Variants in LINGO2 observed in about 807,000 individuals in gnomAD.
The protein encoded by LINGO2 is leucine rich repeat and Ig domain containing 2.
In LINGO2, 14 loss-of-function variants were observed where a neutral mutation model predicts 30.6. That is an observed-to-expected ratio of 0.46 (90% CI 0.30 to 0.72). The LOEUF is 0.72. LINGO2 is among the 30% of genes least tolerant of loss of function. LINGO2 has a pLI of 0.07. For missense variants in LINGO2, 729 were observed against 751.7 expected, an observed-to-expected ratio of 0.97 and a Z score of 0.35; for synonymous variants, 317 against 288.5, an observed-to-expected ratio of 1.10 and a Z score of -1.00.
At chr9:28,817,762 G>A in the LINGO2 span, among the ~76,000 whole-genome samples, 4 of 152,144 alleles carry the variant, frequency 2.6e-5, no homozygotes, top group Non-Finnish European at 5.9e-5. Context: ...CAAGAGGAGG[G>A]CAATGTATTT....
intron 1 of LINGO2, among the ~76,000 whole-genome samples, chr9:28,583,337 T>G (rs541813794): frequency 5.9e-5 from 9 of 152,106 alleles, no homozygotes; most frequent in Non-Finnish European, 1.3e-4. Context: ...TGAAATTGAT[T>G]GCAAAAATTT....
the LINGO2 span, among the ~76,000 whole-genome samples, chr9:29,202,670 T>C: frequency 6.6e-6 from 1 of 152,104 alleles, no homozygotes; most frequent in Admixed American, 6.6e-5. Context: ...TGAAACCATT[T>C]ATTTCTATTG....
chr9:27,957,177 G>A (rs12057050), intron 5 of LINGO2, among the ~76,000 whole-genome samples: 20,524 of 152,092 alleles, frequency 0.13, 3,921 homozygotes, highest in African/African-American at 0.42. Flanking sequence ...TCAAAAATCA[G>A]TTGACCGTAT....
At chr9:28,995,010 T>C in the LINGO2 span, among the ~76,000 whole-genome samples, 2 of 151,960 alleles carry the variant, frequency 1.3e-5, no homozygotes, top group East Asian at 1.9e-4. Flanking sequence ...AAAGCCAAAA[T>C]TGACAAATGG....
intron 4 of LINGO2, among the ~76,000 whole-genome samples, chr9:28,086,196 T>C (rs1825908989): frequency 6.6e-6 from 1 of 151,984 alleles, no homozygotes; most frequent in Non-Finnish European, 1.5e-5. Flanking sequence ...AAAATCAACA[T>C]TTTTAACTAT....
the LINGO2 span, among the ~76,000 whole-genome samples, chr9:28,712,603 A>G: frequency 6.6e-6 from 1 of 151,726 alleles, no homozygotes; most frequent in Admixed American, 6.6e-5. Flanking sequence ...CCTACTTTGT[A>G]TGACTACAAT....
intron 4 of LINGO2, among the ~76,000 whole-genome samples, chr9:28,021,957 C>T (rs901642915): frequency 1.2e-4 from 18 of 151,792 alleles, no homozygotes; most frequent in African/African-American, 4.4e-4. Context: ...TGCATTTAAC[C>T]ATAAATATTT....
At position 27,995,766 on chromosome 9, in the gene LINGO2, G is replaced by T. The variant is rs532668056; in HGVS notation, c.-36+16589C>A. ...ACAAACACACAGCTAACATCATACT[G>T]AATGGGGCAAAATTGAAAGCCTTTA... On this transcript the variant is annotated intron_variant, in intron 5 of 5. Coordinates refer to ENST00000379992, the Ensembl canonical transcript of LINGO2. 3.3e-5 allele frequency among the ~76,000 whole-genome samples: 5 copies of T among 152,226 alleles called. No individual in the cohort carries two copies. In the South Asian group the frequency reaches 1.0e-3, roughly 32 times the overall value.
intron 3 of LINGO2, among the ~76,000 whole-genome samples, chr9:28,295,698 A>G (rs2134186449): frequency 6.6e-6 from 1 of 152,276 alleles, no homozygotes; most frequent in East Asian, 1.9e-4. Flanking sequence ...TGGGGTACTC[A>G]GAGTATTCTT....
chr9:28,172,119 C>T (rs1319865586), intron 4 of LINGO2, among the ~76,000 whole-genome samples: 1 of 148,136 alleles, frequency 6.8e-6, no homozygotes, highest in Admixed American at 6.8e-5. Flanking sequence ...CGGCCCGGCG[C>T]GGTGGCTCAC....
intron 4 of LINGO2, among the ~76,000 whole-genome samples, chr9:28,188,321 T>C (rs1300814250): frequency 6.6e-6 from 1 of 152,064 alleles, no homozygotes; most frequent in Non-Finnish European, 1.5e-5. Flanking sequence ...GCATTTTTTC[T>C]TTAAAAAATA....
intron 3 of LINGO2, among the ~76,000 whole-genome samples, chr9:28,301,746 C>G (rs949765719): frequency 4.6e-5 from 7 of 152,104 alleles, no homozygotes; most frequent in Non-Finnish European, 1.0e-4. Flanking sequence ...CAATTCTACA[C>G]AAGAAGATCA....
At chr9:28,559,279 T>C (rs549088641) in intron 1 of LINGO2, among the ~76,000 whole-genome samples, 8 of 152,254 alleles carry the variant, frequency 5.3e-5, no homozygotes, top group African/African-American at 1.9e-4. Context: ...CAACACCTTT[T>C]GTGTCTTCAT....
rs1286121994 is a variant in LINGO2 at position 28,245,472 on chromosome 9, T to TA, written c.-87+49735dup. On this transcript the variant is annotated intron_variant, in intron 4 of 5. Coordinates refer to ENST00000379992, the Ensembl canonical transcript of LINGO2. Reference sequence around the variant, plus strand: ...AGCCAGGGCAATCAGGCAAGAGAAATAAAAAAAGGTTTTCAATTAGGAAGA... The same window carrying TA: ...AGCCAGGGCAATCAGGCAAGAGAAATAAAAAAAAGGTTTTCAATTAGGAAGA... Among the ~76,000 whole-genome samples, 5 of 151,996 alleles carry TA rather than the reference T, an allele frequency of 3.3e-5. No homozygotes were observed. The East Asian group carries it at 5.8e-4, about 18-fold the overall frequency.
intron 1 of LINGO2, among the ~76,000 whole-genome samples, chr9:28,626,752 T>A (rs1304387780): frequency 6.6e-6 from 1 of 152,014 alleles, no homozygotes; most frequent in Non-Finnish European, 1.5e-5. Context: ...GCTTCACTGA[T>A]TGTTTTTTTC....
At chr9:28,089,032 G>A (rs1825997472) in intron 4 of LINGO2, among the ~76,000 whole-genome samples, 1 of 152,254 alleles carries the variant, frequency 6.6e-6, no homozygotes, top group South Asian at 2.1e-4. Context: ...AAATATATAT[G>A]CACCCAATGC....
intron 2 of LINGO2, among the ~76,000 whole-genome samples, chr9:28,464,421 C>T (rs1367971508): frequency 6.6e-6 from 1 of 152,092 alleles, no homozygotes; most frequent in Admixed American, 6.6e-5. Flanking sequence ...TTTAATAACA[C>T]CTACTAATGG....
chr9:28,462,414 T>TAAAAAAA (rs61677547), intron 2 of LINGO2, among the ~76,000 whole-genome samples: 1 of 89,104 alleles, frequency 1.1e-5, no homozygotes. Flanking sequence ...ATGCTCTAGC[T>TAAAAAAA]AAAAAAAAAA....
chr9:28,024,958 C>A (rs537174936), intron 4 of LINGO2, among the ~76,000 whole-genome samples: 1 of 152,182 alleles, frequency 6.6e-6, no homozygotes, highest in South Asian at 2.1e-4. Flanking sequence ...AGCAGGCAGC[C>A]CTCATTTGTT....
Sources: gnomAD v4.1 joint callset for allele counts (sites outside exome capture counted in the v4.1 genomes callset) on GRCh38, gnomAD v4.1.1 for gene constraint, MANE v1.5 for transcripts, NCBI Gene and HGNC (gene_info 2026-07-23, HGNC 2026-07-21) for gene names.